Variants in ARHGEF28 observed in about 807,000 individuals in gnomAD.
The protein encoded by ARHGEF28 is Rho guanine nucleotide exchange factor 28, also known as 190 kDa guanine nucleotide exchange factor.
In ARHGEF28, 152 loss-of-function variants were observed where a neutral mutation model predicts 206.6. The observed-to-expected ratio is 0.74, with a 90% confidence interval of 0.64 to 0.84. ARHGEF28 has a LOEUF of 0.84. Among genes scored for constraint, ARHGEF28 ranks in the 40% least tolerant of loss-of-function variants. The pLI is 0.00. For missense variants in ARHGEF28, 2,028 were observed against 2,073.2 expected (o/e 0.98, Z 0.42); for synonymous variants, 763 against 776.4 (o/e 0.98, Z 0.29).
chr5:73,743,093 C>G (rs573094469), intron 2 of ARHGEF28, among the ~76,000 whole-genome samples: 1 of 152,074 alleles, frequency 6.6e-6, no homozygotes, highest in East Asian at 1.9e-4. Context: ...TCATTCTTTC[C>G]TGCATTTCCA....
At chr5:73,761,532 C>T (rs951136763) in intron 4 of ARHGEF28, among the ~76,000 whole-genome samples, 2 of 152,086 alleles carry the variant, frequency 1.3e-5, no homozygotes, top group African/African-American at 4.8e-5. Context: ...CCAAAGTCCC[C>T]CTTTACTTGG....
chr5:73,875,701 C>G (rs1246540408), intron 22 of ARHGEF28, among the ~76,000 whole-genome samples: 3 of 149,920 alleles, frequency 2.0e-5, no homozygotes, highest in African/African-American at 7.3e-5. Flanking sequence ...GCTTGTTTTT[C>G]TCAGGTTTGT....
intron 1 of ARHGEF28, among the ~76,000 whole-genome samples, chr5:73,666,937 G>T (rs1446032818): frequency 6.6e-6 from 1 of 152,188 alleles, no homozygotes; most frequent in Non-Finnish European, 1.5e-5. Flanking sequence ...CATAATCCAA[G>T]GGTGGAGTTT....
At chr5:73,646,084 C>T (rs1045112421) in intron 1 of ARHGEF28, among the ~76,000 whole-genome samples, 3 of 152,140 alleles carry the variant, frequency 2.0e-5, no homozygotes. Context: ...AAATGGCTCC[C>T]CCTCCTGCCT....
At chr5:73,738,831 T>C (rs908797372) in intron 2 of ARHGEF28, among the ~76,000 whole-genome samples, 3 of 152,232 alleles carry the variant, frequency 2.0e-5, no homozygotes, top group African/African-American at 7.2e-5. Flanking sequence ...AACCTTCAGA[T>C]GGCAGTTGAT....
At chr5:73,690,964 C>T (rs1452412817) in intron 2 of ARHGEF28, among the ~76,000 whole-genome samples, 2 of 151,710 alleles carry the variant, frequency 1.3e-5, no homozygotes, top group Non-Finnish European at 1.5e-5. Context: ...AAATTCTCGC[C>T]GTGTCATCCA....
intron 10 of ARHGEF28, among the ~76,000 whole-genome samples, chr5:73,836,557 G>A (rs1757652147): frequency 6.6e-6 from 1 of 151,720 alleles, no homozygotes; most frequent in African/African-American, 2.4e-5. Flanking sequence ...ACATATTTTG[G>A]GTATTAACTC....
At chr5:73,710,581 A>G (rs1749180902) in intron 2 of ARHGEF28, among the ~76,000 whole-genome samples, 1 of 152,214 alleles carries the variant, frequency 6.6e-6, no homozygotes, top group African/African-American at 2.4e-5. Flanking sequence ...TTCTTTTTGT[A>G]GGTCATACTT....
chr5:73,785,124 C>T (rs151310370), intron 7 of ARHGEF28, among the ~76,000 whole-genome samples: 2,527 of 152,178 alleles, frequency 0.017, 65 homozygotes, highest in African/African-American at 0.058. Flanking sequence ...ATTTTTGGAC[C>T]GAAGTCAACG....
chr5:73,751,176 G>A (rs1205980241), intron 3 of ARHGEF28, among the ~76,000 whole-genome samples: 7 of 152,228 alleles, frequency 4.6e-5, no homozygotes, highest in African/African-American at 9.6e-5. Context: ...ACGGGAGGCC[G>A]AGGTAGGAGG....
chr5:73,828,029 A>C (rs1757018627), intron 9 of ARHGEF28: 1 of 152,212 alleles, frequency 6.6e-6, no homozygotes, highest in South Asian at 2.1e-4. Flanking sequence ...TTCTGACCTA[A>C]CCCAAAAAGC....
chr5:73,836,394 T>G (rs1757640849), intron 10 of ARHGEF28, among the ~76,000 whole-genome samples: 1 of 151,874 alleles, frequency 6.6e-6, no homozygotes, highest in African/African-American at 2.4e-5. Context: ...TTTCTGATGA[T>G]TAGTGACGTT....
chr5:73,849,096 C>T lies in ARHGEF28; in HGVS notation c.1747+9C>T, dbSNP rs369795118. The T allele has an allele frequency of 1.1e-4, 164 of 1,527,940 alleles. No individual in the cohort carries two copies. In the African/African-American group the frequency reaches 1.9e-3, roughly 18 times the overall value. 94.6% of individuals were successfully genotyped at this position (1,527,940 alleles called of 1,614,324 possible). ...ATGCAGTTCAAGTGAAGGTAAGCAT[C>T]ATTTAACATTTGGCTTTGAAAACAC... On this transcript the variant is annotated intron_variant, in intron 13 of 35. Coordinates refer to ENST00000513042, the MANE Select transcript of ARHGEF28 (RefSeq NM_001177693.2).
At chr5:73,655,048 C>A (rs1429403224) in intron 1 of ARHGEF28, among the ~76,000 whole-genome samples, 2 of 152,230 alleles carry the variant, frequency 1.3e-5, no homozygotes, top group Non-Finnish European at 2.9e-5. Flanking sequence ...TGAATAGAAT[C>A]TGTACAGTGG....
At chr5:73,776,418 G>T in intron 5 of ARHGEF28, 98 bp from the exon 6 acceptor site, 1 of 1,139,680 alleles carries the variant, frequency 8.8e-7, no homozygotes, top group Non-Finnish European at 1.2e-6. Context: ...CATTTTGCCA[G>T]TTGGATTTGT....
At chr5:73,742,680 C>T (rs906919884) in intron 2 of ARHGEF28, among the ~76,000 whole-genome samples, 5 of 150,732 alleles carry the variant, frequency 3.3e-5, no homozygotes, top group Non-Finnish European at 7.4e-5. Flanking sequence ...AAAACTTAGC[C>T]GGGCGCGGTG....
At chr5:73,846,104 G>A (rs1462956742) in intron 11 of ARHGEF28, among the ~76,000 whole-genome samples, 164 bp from the exon 12 acceptor site, 1 of 151,806 alleles carries the variant, frequency 6.6e-6, no homozygotes, top group East Asian at 1.9e-4. Flanking sequence ...AAAGAGATTT[G>A]GAGGGAGGAG....
intron 7 of ARHGEF28, among the ~76,000 whole-genome samples, chr5:73,790,449 C>T (rs1754414136): frequency 6.6e-6 from 1 of 152,042 alleles, no homozygotes; most frequent in African/African-American, 2.4e-5. Context: ...TGCCAAGGAG[C>T]ACATTTTGGA....
chr5:73,697,768 G>T lies in ARHGEF28; in HGVS notation c.33+12884G>T, dbSNP rs754884961. Among the ~76,000 whole-genome samples, 27 of 152,284 alleles carry T rather than the reference G, an allele frequency of 1.8e-4. No homozygotes were observed. The South Asian group carries it at 1.9e-3, about 11-fold the overall frequency. ...GGGACATTCAAACCATAGCAACCAT[G>T]AAGTTACTACCTTAGTTGATTAGAG... On this transcript the variant is annotated intron_variant, in intron 2 of 35. Transcript: ENST00000513042.
Sources: allele counts gnomAD v4.1 joint callset (sites outside exome capture counted in the v4.1 genomes callset), GRCh38; gene constraint gnomAD v4.1.1; transcripts MANE v1.5; gene names NCBI Gene and HGNC (gene_info 2026-07-23, HGNC 2026-07-21).